Variants in PRDM6 observed in about 807,000 individuals in gnomAD.
PRDM6 encodes PR/SET domain 6, also known as putative histone-lysine N-methyltransferase PRDM6.
Under a neutral mutation model 60.8 loss-of-function variants are expected in PRDM6, and 25 were observed. That is an observed-to-expected ratio of 0.41 (90% CI 0.30 to 0.57). The LOEUF (loss-of-function observed/expected upper bound fraction) is 0.57. PRDM6 is among the 20% of genes least tolerant of loss of function. PRDM6 has a pLI of 0.27. For synonymous variants in PRDM6, 407 were observed against 357.4 expected (o/e 1.14, Z -1.57); for missense variants, 839 against 821.3 (o/e 1.02, Z -0.26).
Position 123,090,311 on chromosome 5 carries a change from G to GGCCGCT in PRDM6, c.303_308dup (p.Ala103_Ala104dup). ...CCTCCGCCTCCTCCTGCGCTGCTGC[G>GGCCGCT]GCCGCTGCCGCCGCGCTGGCTGGTC... On this transcript the variant is annotated inframe_insertion, in exon 2 of 8. Transcript: ENST00000407847. 1.5e-6 allele frequency: 2 copies of GGCCGCT among 1,373,510 alleles called. No homozygotes were observed. Among genetic ancestry groups the GGCCGCT allele is most frequent in the East Asian group, 5.9e-5 (2 of 33,718 alleles). 85.1% of individuals were successfully genotyped at this position (1,373,510 alleles called of 1,614,324 possible).
At chr5:123,098,564 T>C (rs1314777095) in intron 2 of PRDM6, among the ~76,000 whole-genome samples, 1 of 152,216 alleles carries the variant, frequency 6.6e-6, no homozygotes, top group East Asian at 1.9e-4. Context: ...GGAGGGATAC[T>C]GGGCGCCCAC....
In PRDM6 at chr5:123,188,836, T is replaced by G. The variant is rs1170838194; in HGVS notation, c.*1635T>G. 2.6e-5 allele frequency: 4 copies of G among 152,312 alleles called. No homozygotes were observed. The highest frequency in any genetic ancestry group is 9.6e-5 in the African/African-American group (4 of 41,574). 9.4% of individuals were successfully genotyped at this position (152,312 alleles called of 1,614,324 possible). A position where few individuals can be genotyped will look rare whatever the true frequency, so the allele number is the denominator to read the frequency against. ...CCTTTTAATTTTGCTTCTCTATTCC[T>G]TAGCACCCCAGCTACCACATTTTAA... On this transcript the variant is annotated 3_prime_UTR_variant, in exon 8 of 8. Coordinates refer to ENST00000407847, the MANE Select transcript of PRDM6 (RefSeq NM_001136239.4).
chr5:123,098,568 C>T (rs1190207792), intron 2 of PRDM6, among the ~76,000 whole-genome samples: 1 of 152,212 alleles, frequency 6.6e-6, no homozygotes, highest in Non-Finnish European at 1.5e-5. Context: ...GGATACTGGG[C>T]GCCCACTACC....
chr5:123,168,490 C>T (rs1284372262), intron 5 of PRDM6, among the ~76,000 whole-genome samples: 4 of 152,132 alleles, frequency 2.6e-5, no homozygotes, highest in Admixed American at 2.0e-4. Flanking sequence ...ACTGGACCTT[C>T]TTGGGACTCG....
In PRDM6 at chr5:123,156,017, G is replaced by A. The variant is rs1370351473; in HGVS notation, c.1028+6G>A. 6.5e-7 allele frequency: 1 copy of A among 1,548,454 alleles called. No homozygotes were observed. The highest frequency in any genetic ancestry group is 8.7e-7 in the Non-Finnish European group (1 of 1,145,652). On this transcript the variant is annotated splice_donor_region_variant and intron_variant, in intron 4 of 7. Coordinates refer to ENST00000407847, the MANE Select transcript of PRDM6 (RefSeq NM_001136239.4). The stretch of plus-strand genomic sequence containing the variant: ...CTAACAGTAGTTCAGTACAGGTAAA[G>A]TATATCTTGATTTACCACCTACAGA...
rs969513795 is a variant in PRDM6 at position 123,171,007 on chromosome 5, G to A, written c.1395G>A (p.Ser465=). ...ASPTSTSQLH[S]EFSDWHLWKC... is the part of the protein sequence containing the mutation. ...CAACTTCCACAAGCCAGCTCCACTCGGAGTTCAGTGACTGGCATCTTTGGA... is the reference window on the plus strand; with the variant it reads ...CAACTTCCACAAGCCAGCTCCACTCAGAGTTCAGTGACTGGCATCTTTGGA... The change falls in exon 6 of 8, where the codon TCG becomes TCA. Residue 465 remains serine, a synonymous_variant. Transcript: ENST00000407847. 5.3e-5 allele frequency: 83 copies of A among 1,551,850 alleles called. No individual in the cohort carries two copies. The highest frequency in any genetic ancestry group is 1.7e-4 in the East Asian group (7 of 40,908).
intron 3 of PRDM6, among the ~76,000 whole-genome samples, chr5:123,133,904 A>G (rs912154453): frequency 6.6e-6 from 1 of 152,074 alleles, no homozygotes; most frequent in Non-Finnish European, 1.5e-5. Flanking sequence ...GGAAAAACAA[A>G]TAGTGAAGTT....
At chr5:123,113,647 C>G (rs813680) in intron 3 of PRDM6, among the ~76,000 whole-genome samples, 1 of 152,184 alleles carries the variant, frequency 6.6e-6, no homozygotes, top group African/African-American at 2.4e-5. Flanking sequence ...TCTTTGCTTT[C>G]TGCCCCTTCT....
intron 3 of PRDM6, among the ~76,000 whole-genome samples, chr5:123,141,062 G>A (rs1199200198): frequency 6.6e-6 from 1 of 151,884 alleles, no homozygotes; most frequent in African/African-American, 2.4e-5. Flanking sequence ...TAAGCCATGT[G>A]CAATTTATCA....
intron 3 of PRDM6, among the ~76,000 whole-genome samples, chr5:123,114,254 A>C (rs1474933450): frequency 6.6e-6 from 1 of 152,224 alleles, no homozygotes; most frequent in Non-Finnish European, 1.5e-5. Context: ...TTCCTCTGTC[A>C]GCAACTTCAT....
Position 123,189,834 on chromosome 5 carries a change from G to A in PRDM6, c.*2633G>A, listed in dbSNP as rs970532183. ...CAGGCTTACACCTGGACATTGACTT[G>A]GAACCCTGAAGCAGGTACTGAGATC... On this transcript the variant is annotated 3_prime_UTR_variant, in exon 8 of 8. Transcript: ENST00000407847. 1.3e-5 allele frequency: 2 copies of A among 152,168 alleles called. No individual in the cohort carries two copies. The highest frequency in any genetic ancestry group is 4.8e-5 in the African/African-American group (2 of 41,424). The allele number at this position is 152,168 out of a possible 1,614,324, so 9.4% of individuals were successfully genotyped here.
chr5:123,131,404 T>G (rs1402710337), intron 3 of PRDM6, among the ~76,000 whole-genome samples: 2 of 152,218 alleles, frequency 1.3e-5, no homozygotes, highest in Non-Finnish European at 2.9e-5. Flanking sequence ...GTTTGATTAC[T>G]ATATGTTGTA....
At chr5:123,132,735 A>G (rs1246067111) in intron 3 of PRDM6, among the ~76,000 whole-genome samples, 8 of 70,744 alleles carry the variant, frequency 1.1e-4, no homozygotes, top group Admixed American at 8.3e-4. Flanking sequence ...TATCGCTTAG[A>G]AGCACCTTCC....
intron 5 of PRDM6, among the ~76,000 whole-genome samples, chr5:123,168,890 A>G (rs1198133534): frequency 6.6e-6 from 1 of 152,240 alleles, no homozygotes; most frequent in Non-Finnish European, 1.5e-5. Context: ...GTGCCCACAC[A>G]TGGCATCTCC....
chr5:123,176,252 A>G (rs17391035), intron 6 of PRDM6, among the ~76,000 whole-genome samples: 6,494 of 149,184 alleles, frequency 0.044, 198 homozygotes, highest in Non-Finnish European at 0.062. Context: ...AGACAACACT[A>G]CTAAAGATCT....
intron 5 of PRDM6, among the ~76,000 whole-genome samples, chr5:123,160,263 T>C (rs897000014): frequency 2.6e-5 from 4 of 152,256 alleles, no homozygotes; most frequent in Non-Finnish European, 5.9e-5. Flanking sequence ...TTTAAAAGAA[T>C]TAACATCTAG....
chr5:123,143,715 T>G (rs566232328), intron 3 of PRDM6, among the ~76,000 whole-genome samples: 2 of 152,286 alleles, frequency 1.3e-5, no homozygotes, highest in Admixed American at 6.5e-5. Flanking sequence ...CAGGCTTGTT[T>G]GGAGTCCTGG....
At chr5:123,090,637 CGG>C (rs1259926439) in intron 2 of PRDM6, 31 bp downstream of exon 2, 1 of 1,317,800 alleles carries the variant, frequency 7.6e-7, no homozygotes, top group South Asian at 1.3e-5. Flanking sequence ...CGCTCTCTCC[CGG>C]GGCGCCGGCG....
chr5:123,126,254 A>G lies in PRDM6; in HGVS notation c.900+26293A>G, dbSNP rs544923916. 2.0e-5 allele frequency among the ~76,000 whole-genome samples: 3 copies of G among 152,268 alleles called. No individual in the cohort carries two copies. The South Asian group carries it at 6.2e-4, about 32-fold the overall frequency. ...AGGGGTAGTATCAATGAGGGCAGAAAGAGGGGACAGAGGCTGCCTCCAGGG... is the reference window on the plus strand; with the variant it reads ...AGGGGTAGTATCAATGAGGGCAGAAGGAGGGGACAGAGGCTGCCTCCAGGG... On this transcript the variant is annotated intron_variant, in intron 3 of 7. Transcript: ENST00000407847.
Sources: gnomAD v4.1 joint callset for allele counts (sites outside exome capture counted in the v4.1 genomes callset) on GRCh38, gnomAD v4.1.1 for gene constraint, MANE v1.5 for transcripts, NCBI Gene and HGNC (gene_info 2026-07-23, HGNC 2026-07-21) for gene names.